Variants in CRHR2 observed in about 807,000 individuals in gnomAD.
CRHR2 encodes the protein corticotropin-releasing hormone receptor 2.
A neutral mutation model predicts 57.9 loss-of-function variants in CRHR2; 53 were observed. That is an observed-to-expected ratio of 0.92 (90% confidence interval 0.73 to 1.15). The LOEUF is 1.15. Among genes scored for constraint, CRHR2 ranks in the 50% most tolerant of loss-of-function variants. CRHR2 has a pLI of 0.00. For synonymous variants in CRHR2, 213 were observed against 220.9 expected (o/e 0.96, Z 0.32); for missense variants, 532 against 542.6 (o/e 0.98, Z 0.19).
intron 1 of CRHR2, among the ~76,000 whole-genome samples, chr7:30,695,032 A>G (rs1785030180): frequency 1.7e-5 from 2 of 116,074 alleles, no homozygotes; most frequent in African/African-American, 3.3e-5. Flanking sequence ...TGGGGGAGGA[A>G]GGAAGGATAC....
chr7:30,679,634 A>G (rs1227451571), intron 2 of CRHR2, among the ~76,000 whole-genome samples: 1 of 152,086 alleles, frequency 6.6e-6, no homozygotes. Context: ...CTCTCTAAGG[A>G]ATGAGGCTTC....
chr7:30,690,118 A>T (rs1278424545), intron 1 of CRHR2, among the ~76,000 whole-genome samples: 7 of 152,224 alleles, frequency 4.6e-5, no homozygotes. Flanking sequence ...GCACCCGTGA[A>T]GGGACCATCT....
intron 2 of CRHR2, among the ~76,000 whole-genome samples, chr7:30,687,781 G>C (rs1784884919): frequency 6.6e-6 from 1 of 152,192 alleles, no homozygotes; most frequent in Non-Finnish European, 1.5e-5. Context: ...AGGAAGGCAG[G>C]GAGAAGGCTA....
At chr7:30,659,590 A>T (rs11971575) in intron 8 of CRHR2, among the ~76,000 whole-genome samples, 4 of 152,204 alleles carry the variant, frequency 2.6e-5, no homozygotes, top group Non-Finnish European at 4.4e-5. Flanking sequence ...CCAAGCCCTG[A>T]CGGTGGAATT....
At chr7:30,679,782 A>G (rs62446876) in intron 2 of CRHR2, among the ~76,000 whole-genome samples, 12,442 of 152,204 alleles carry the variant, frequency 0.082, 569 homozygotes, top group Admixed American at 0.12. Context: ...GAAAAGGCAA[A>G]CAGAGAAGCA....
At position 30,682,372 on chromosome 7, in the gene CRHR2, C is replaced by T; in HGVS notation, c.-92G>A. The T allele has an allele frequency of 7.1e-7, 1 of 1,410,252 alleles. No individual in the cohort carries two copies. Among genetic ancestry groups the T allele is most frequent in the Non-Finnish European group, 9.2e-7 (1 of 1,085,194 alleles). 87.4% of individuals were successfully genotyped at this position (1,410,252 alleles called of 1,614,324 possible). ...ACGCGAGAGTGAGCGGCCGAGAGGG[C>T]GCGGGGTCCTGGCCCCCGCCAGCCC... On this transcript the variant is annotated 5_prime_UTR_variant, in exon 1 of 12. Transcript: ENST00000471646.
intron 8 of CRHR2, among the ~76,000 whole-genome samples, 153 bp downstream of exon 8, chr7:30,660,420 G>A (rs2128141096): frequency 6.6e-6 from 1 of 152,332 alleles, no homozygotes; most frequent in South Asian, 2.1e-4. Flanking sequence ...GTGGTGCTGG[G>A]GCACAGGGTG....
chr7:30,687,059 A>T (rs1270087137), upstream of CRHR2, among the ~76,000 whole-genome samples: 1 of 152,040 alleles, frequency 6.6e-6, no homozygotes. Flanking sequence ...TGACTATTGC[A>T]TTTGTCATTC....
chr7:30,660,497 C>T, intron 8 of CRHR2, 76 bp downstream of exon 8: 9 of 1,451,442 alleles, frequency 6.2e-6, no homozygotes, highest in South Asian at 1.2e-5. Flanking sequence ...ACATCTTTCC[C>T]AGCGTCTCTG....
In CRHR2 at chr7:30,653,370, C is replaced by G; in HGVS notation, c.*90G>C. ...AGAGCTGGTCTCTCCCCTCCCATCT[C>G]CTGCCCCACGAGAGCCTGCCCAGCA... On this transcript the variant is annotated 3_prime_UTR_variant, in exon 12 of 12. Transcript: ENST00000471646. The surrounding 1 kb of genome is among the most constrained non-coding windows in gnomAD (Gnocchi z 5.0). The G allele has an allele frequency of 1.3e-6, 2 of 1,525,018 alleles. No homozygotes were observed. Among genetic ancestry groups the G allele is most frequent in the Non-Finnish European group, 1.8e-6 (2 of 1,133,808 alleles). 94.5% of individuals were successfully genotyped at this position (1,525,018 alleles called of 1,614,324 possible). A position where few individuals can be genotyped will look rare whatever the true frequency, so the allele number is the denominator to read the frequency against.
At chr7:30,690,107 T>A (rs1784931680) in intron 1 of CRHR2, among the ~76,000 whole-genome samples, 1 of 152,174 alleles carries the variant, frequency 6.6e-6, no homozygotes, top group Non-Finnish European at 1.5e-5. Flanking sequence ...TGTGGGCATG[T>A]GCACCCGTGA....
At chr7:30,662,253 T>G (rs1455003047) in intron 6 of CRHR2, 37 bp from the exon 7 acceptor site, 1 of 1,610,016 alleles carries the variant, frequency 6.2e-7, no homozygotes, top group Non-Finnish European at 8.5e-7. Flanking sequence ...AGGGGACAGA[T>G]GGACAGGGAC....
upstream of CRHR2, chr7:30,682,658 G>A (rs1018855064): frequency 8.9e-6 from 3 of 338,204 alleles, no homozygotes; most frequent in Non-Finnish European, 1.3e-5. Context: ...CCAGAGGAGG[G>A]CGGTGGGCTG....
chr7:30,690,421 C>CGT (rs10566317), intron 1 of CRHR2, among the ~76,000 whole-genome samples: 2 of 151,684 alleles, frequency 1.3e-5, no homozygotes, highest in Non-Finnish European at 2.9e-5. Flanking sequence ...CTATGGTCAG[C>CGT]GTGTGTGTGT....
At chr7:30,690,885 G>A (rs111629544) in intron 1 of CRHR2, among the ~76,000 whole-genome samples, 1 of 152,206 alleles carries the variant, frequency 6.6e-6, no homozygotes, top group Non-Finnish European at 1.5e-5. Context: ...GGGAGCAGGT[G>A]TGTGTGTTGT....
intron 2 of CRHR2, chr7:30,689,134 G>T (rs534267538): frequency 2.0e-5 from 29 of 1,470,074 alleles, no homozygotes; most frequent in Non-Finnish European, 2.7e-5. Flanking sequence ...TCTTCCTCCC[G>T]CAGGGCCCAC....
chr7:30,654,875 C>T (rs1421107531), intron 11 of CRHR2, 164 bp downstream of exon 11: 2 of 1,549,770 alleles, frequency 1.3e-6, no homozygotes, highest in East Asian at 2.4e-5. Context: ...TAAACTGGCT[C>T]CAGCCCCTGT....
chr7:30,663,166 A>G (rs1264491661), intron 5 of CRHR2, among the ~76,000 whole-genome samples: 1 of 152,150 alleles, frequency 6.6e-6, no homozygotes, highest in Non-Finnish European at 1.5e-5. Flanking sequence ...CTGGAATTCA[A>G]CCATCTTGTT....
At chr7:30,689,217 G>T in exon 2 of CRHR2, 3 of 1,550,460 alleles carry the variant, frequency 1.9e-6, no homozygotes, top group Non-Finnish European at 8.7e-7. Flanking sequence ...GGTCATGATG[G>T]TGTGGCAGTA....
Sources: allele counts gnomAD v4.1 joint callset (sites outside exome capture counted in the v4.1 genomes callset), GRCh38; gene constraint gnomAD v4.1.1; non-coding constraint Gnocchi (gnomAD v3.1); transcripts MANE v1.5; gene names NCBI Gene and HGNC (gene_info 2026-07-23, HGNC 2026-07-21).